SLC35F3: variants seen among roughly 807,000 people sequenced by gnomAD.
The protein encoded by SLC35F3 is solute carrier family 35 member F3.
Under a neutral mutation model 49.9 loss-of-function variants are expected in SLC35F3, and 25 were observed. That is an observed-to-expected ratio of 0.50 (90% CI 0.37 to 0.70). The LOEUF (loss-of-function observed/expected upper bound fraction) is 0.70. SLC35F3 is among the 30% of genes least tolerant of loss of function. The pLI is 0.00. For synonymous variants in SLC35F3, 275 were observed against 265.4 expected, an observed-to-expected ratio of 1.04 and a Z score of -0.35; for missense variants, 525 against 639.8, an observed-to-expected ratio of 0.82 and a Z score of 1.94.
chr1:234,274,138 T>C (rs1409734015), intron 3 of SLC35F3: 1 of 152,266 alleles, frequency 6.6e-6, no homozygotes, highest in Non-Finnish European at 1.5e-5. Context: ...ACGTTGGTTC[T>C]AATTAAAACT....
intron 2 of SLC35F3, among the ~76,000 whole-genome samples, chr1:234,139,344 G>A (rs988402139): frequency 6.6e-6 from 1 of 152,182 alleles, no homozygotes; most frequent in African/African-American, 2.4e-5. Context: ...GGTGGGATAG[G>A]TGTAGAAGGC....
chr1:234,112,805 G>C (rs1665429021), intron 2 of SLC35F3, among the ~76,000 whole-genome samples: 1 of 129,460 alleles, frequency 7.7e-6, no homozygotes, highest in Non-Finnish European at 1.5e-5. Context: ...TCGATCTCCT[G>C]ACCTCATGAT....
intron 2 of SLC35F3, among the ~76,000 whole-genome samples, chr1:234,084,376 AAT>A (rs1664929793): frequency 6.6e-6 from 1 of 152,206 alleles, no homozygotes; most frequent in South Asian, 2.1e-4. Context: ...TTGCCAAACA[AAT>A]ATGAGACATA....
chr1:234,092,531 A>T (rs1665059478), intron 2 of SLC35F3, among the ~76,000 whole-genome samples: 2 of 152,216 alleles, frequency 1.3e-5, no homozygotes, highest in Admixed American at 6.5e-5. Context: ...CTGAGGCTAC[A>T]GACCTGTCAT....
chr1:234,206,835 A>G (rs1474696371), intron 2 of SLC35F3, among the ~76,000 whole-genome samples: 1 of 152,084 alleles, frequency 6.6e-6, no homozygotes. Flanking sequence ...GCCTCCGAGG[A>G]CCTCATTGAA....
At chr1:233,995,283 G>T (rs1274364321) in intron 2 of SLC35F3, among the ~76,000 whole-genome samples, 1 of 152,176 alleles carries the variant, frequency 6.6e-6, no homozygotes, top group Non-Finnish European at 1.5e-5. Context: ...GAGGTTCATG[G>T]AGTGGGGATT....
chr1:233,960,176 G>A (rs1274394337), intron 2 of SLC35F3, among the ~76,000 whole-genome samples: 3 of 152,114 alleles, frequency 2.0e-5, no homozygotes, highest in African/African-American at 4.8e-5. Flanking sequence ...GCCAATTGGT[G>A]TGCAGAGCTC....
At position 234,318,896 on chromosome 1, in the gene SLC35F3, A is replaced by G. The variant is rs760236095; in HGVS notation, c.1100A>G (p.Asp367Gly). 6 of 1,614,024 alleles carry G rather than the reference A, an allele frequency of 3.7e-6. No individual in the cohort carries two copies. Among genetic ancestry groups the G allele is most frequent in the Non-Finnish European group, 8.5e-7 (1 of 1,180,030 alleles). ...AAAGTGGAATACTGGAGCTCTTTTG[A>G]TGACATTCCATGGGGAAACCTTTGT... Reference protein sequence around the residue: ...FTKVEYWSSFDDIPWGNLCGF... With the variant: ...FTKVEYWSSFGDIPWGNLCGF... The change falls in exon 6 of 8, where the codon GAT becomes GGT. Residue 367 changes from aspartate to glycine, a missense_variant. Asp to Gly is a moderately conservative substitution (Grantham distance 94). Coordinates refer to ENST00000366618, the MANE Select transcript of SLC35F3 (RefSeq NM_173508.4).
intron 2 of SLC35F3, among the ~76,000 whole-genome samples, chr1:234,000,334 A>G (rs747379359): frequency 7.9e-5 from 12 of 152,194 alleles, no homozygotes; most frequent in Non-Finnish European, 1.3e-4. Flanking sequence ...TTTGCTTTCA[A>G]TATAGGTTTG....
At chr1:234,064,920 A>T (rs762336487) in intron 2 of SLC35F3, among the ~76,000 whole-genome samples, 1 of 152,210 alleles carries the variant, frequency 6.6e-6, no homozygotes, top group Non-Finnish European at 1.5e-5. Flanking sequence ...AAGGGTCATG[A>T]TCAAAGTACT....
chr1:234,017,314 G>A (rs1291048236), intron 2 of SLC35F3, among the ~76,000 whole-genome samples: 1 of 152,122 alleles, frequency 6.6e-6, no homozygotes, highest in African/African-American at 2.4e-5. Context: ...AAGGAATACT[G>A]AAGCATTGCT....
chr1:234,214,426 G>T lies in SLC35F3; in HGVS notation c.284-16991G>T. The T allele has an allele frequency of 6.8e-7, 1 of 1,470,082 alleles. No individual in the cohort carries two copies. Among genetic ancestry groups the T allele is most frequent in the South Asian group, 1.4e-5 (1 of 73,870 alleles). 91.1% of individuals were successfully genotyped at this position (1,470,082 alleles called of 1,614,324 possible). ...GAGGGCCGCGTCGGCCACGGGCCCG[G>T]GAGAGACGCGCTCCAGCCGGCCCCA... On this transcript the variant is annotated intron_variant, in intron 2 of 7. Coordinates refer to ENST00000366618, the MANE Select transcript of SLC35F3 (RefSeq NM_173508.4). The surrounding 1 kb of genome is among the most constrained non-coding windows in gnomAD (Gnocchi z 8.0).
intron 2 of SLC35F3, among the ~76,000 whole-genome samples, chr1:234,088,967 G>T (rs1005023227): frequency 2.8e-4 from 42 of 152,170 alleles, no homozygotes; most frequent in African/African-American, 1.0e-3. Context: ...TTGCCATGTT[G>T]CCCAGGCTGG....
At chr1:234,148,508 G>T (rs1666027980) in intron 2 of SLC35F3, among the ~76,000 whole-genome samples, 1 of 152,170 alleles carries the variant, frequency 6.6e-6, no homozygotes, top group Non-Finnish European at 1.5e-5. Context: ...CAAAAGGACA[G>T]GAGGAGAATG....
chr1:234,273,391 G>C (rs929686602), intron 3 of SLC35F3, among the ~76,000 whole-genome samples: 3 of 152,176 alleles, frequency 2.0e-5, no homozygotes, highest in African/African-American at 7.2e-5. Context: ...GCAAGCCCAG[G>C]CAACCCCCCT....
At chr1:234,035,800 C>A (rs1173242851) in intron 2 of SLC35F3, among the ~76,000 whole-genome samples, 1 of 152,178 alleles carries the variant, frequency 6.6e-6, no homozygotes, top group Admixed American at 6.5e-5. Context: ...ATCCTCATTT[C>A]GTGGATGCAA....
At chr1:234,312,296 G>C (rs1030766555) in intron 4 of SLC35F3, among the ~76,000 whole-genome samples, 1 of 152,140 alleles carries the variant, frequency 6.6e-6, no homozygotes, top group Admixed American at 6.5e-5. Context: ...AAACCAGGAG[G>C]GACGGGGGAA....
At chr1:234,106,131 G>C (rs1558230779) in intron 2 of SLC35F3, among the ~76,000 whole-genome samples, 1 of 152,162 alleles carries the variant, frequency 6.6e-6, no homozygotes, top group Non-Finnish European at 1.5e-5. Context: ...AAATTTGTTT[G>C]GGTGGCATTG....
At chr1:234,293,724 T>C (rs948696245) in intron 3 of SLC35F3, among the ~76,000 whole-genome samples, 1 of 152,202 alleles carries the variant, frequency 6.6e-6, no homozygotes, top group Non-Finnish European at 1.5e-5. Flanking sequence ...ACCAGTCTCC[T>C]GGGGCTGGCC....
Sources: allele counts gnomAD v4.1 joint callset (sites outside exome capture counted in the v4.1 genomes callset), GRCh38; gene constraint gnomAD v4.1.1; non-coding constraint Gnocchi (gnomAD v3.1); transcripts MANE v1.5; gene names NCBI Gene and HGNC (gene_info 2026-07-23, HGNC 2026-07-21).